Variants in DYNC2H1 observed in about 807,000 individuals in gnomAD.
DYNC2H1 encodes cytoplasmic dynein 2 heavy chain 1.
DYNC2H1 carries 410 observed loss-of-function variants against 570.0 expected under a neutral mutation model. That is an observed-to-expected ratio of 0.72 (90% confidence interval 0.66 to 0.78). DYNC2H1 has a LOEUF of 0.78. DYNC2H1 is among the 30% of genes least tolerant of loss of function. The pLI is 0.00. For synonymous variants in DYNC2H1, 1,688 were observed against 1,677.6 expected (o/e 1.01, Z -0.15); for missense variants, 4,865 against 5,046.4 (o/e 0.96, Z 1.09).
intron 1 of DYNC2H1, among the ~76,000 whole-genome samples, chr11:103,112,384 G>A (rs1325939269): frequency 6.6e-6 from 1 of 152,180 alleles, no homozygotes; most frequent in African/African-American, 2.4e-5. Flanking sequence ...AGAGAGCTGT[G>A]ATCTGGTTTA....
rs568297737 is a variant in DYNC2H1 at position 103,378,301 on chromosome 11, T to C, written c.12156+19942T>C. On this transcript the variant is annotated intron_variant, in intron 83 of 88. Coordinates refer to ENST00000375735, the MANE Select transcript of DYNC2H1 (RefSeq NM_001377.3). ...TAGAAGTCACTTTGCTCTTTCATTT[T>C]CTTGTGATAATTTATCATATATATT... is the stretch of plus-strand genomic sequence containing the variant. Among the ~76,000 whole-genome samples the C allele has an allele frequency of 4.1e-4, 62 of 152,346 alleles. No homozygotes were observed. The Middle Eastern group carries it at 0.02, about 50-fold the overall frequency.
rs373574522 is a variant in DYNC2H1 at position 103,117,723 on chromosome 11, G to T, written c.859G>T (p.Gly287Cys). The T allele has an allele frequency of 3.7e-6, 6 of 1,612,858 alleles. No homozygotes were observed. In the African/African-American group the frequency reaches 8.0e-5, roughly 22 times the overall value. ...TCTTGTGAAAGAAAGTCTGAAAGCT[G>T]GTATTTCAATTTGTGAACAGTGGGT... is the stretch of plus-strand genomic sequence containing the variant. ...YYLVKESLKA[G>C]ISICEQWVIV... The change falls in exon 6 of 89, where the codon GGT becomes TGT. Residue 287 changes from glycine (G) to cysteine (C), a missense_variant. Physicochemically the swap from Gly to Cys is radical, Grantham distance 159 (BLOSUM62 -3). Around this residue, in one of 5 missense-constraint regions of DYNC2H1, gnomAD observed 1,936 missense variants for 1,962.1 expected, o/e 0.99. Transcript: ENST00000375735.
chr11:103,364,535 C>T (rs569368445), intron 83 of DYNC2H1, among the ~76,000 whole-genome samples: 9 of 150,270 alleles, frequency 6.0e-5, no homozygotes, highest in African/African-American at 2.0e-4. Context: ...TAATGAATAA[C>T]TTTGTACTAT....
At chr11:103,364,600 T>A (rs1591634756) in intron 83 of DYNC2H1, among the ~76,000 whole-genome samples, 1 of 116,808 alleles carries the variant, frequency 8.6e-6, no homozygotes, top group Non-Finnish European at 1.6e-5. Flanking sequence ...AATCTTGTTG[T>A]TTTTTTTTTT....
In DYNC2H1 at chr11:103,279,953, G is replaced by A. The variant is rs1428945135; in HGVS notation, c.10696-395G>A. Among the ~76,000 whole-genome samples the A allele has an allele frequency of 2.0e-5, 3 of 152,264 alleles. No individual in the cohort carries two copies. In the East Asian group the frequency reaches 5.8e-4, roughly 29 times the overall value. On this transcript the variant is annotated intron_variant, in intron 70 of 88. Coordinates refer to ENST00000375735, the MANE Select transcript of DYNC2H1 (RefSeq NM_001377.3). ...GAGAAAATAGTTGTCATAATTGCAT[G>A]TAGTCACCCATATGTTTAAACCTAC...
At chr11:103,224,771 T>C (rs190377572) in intron 59 of DYNC2H1, among the ~76,000 whole-genome samples, 1 of 152,342 alleles carries the variant, frequency 6.6e-6, no homozygotes, top group East Asian at 1.9e-4. Flanking sequence ...TACCTAGTAG[T>C]AGAATTACTG....
intron 21 of DYNC2H1, 37 bp from the exon 22 acceptor site, chr11:103,153,266 C>T: frequency 2.0e-6 from 3 of 1,466,930 alleles, no homozygotes; most frequent in East Asian, 2.6e-5. Flanking sequence ...TGAAATTTTA[C>T]TCTGCATTAA....
Position 103,243,255 on chromosome 11 carries a change from A to G in DYNC2H1, c.9820-438A>G, listed in dbSNP as rs1284362482. Among the ~76,000 whole-genome samples the G allele has an allele frequency of 8.2e-6, 1 of 121,978 alleles. No individual in the cohort carries two copies. The highest frequency in any genetic ancestry group is 1.7e-5 in the Non-Finnish European group (1 of 57,964). 80.0% of individuals were successfully genotyped at this position (121,978 alleles called of 152,430 possible). A position where few individuals can be genotyped will look rare whatever the true frequency, so the allele number is the denominator to read the frequency against. ...TTTATAGTTTTTATTCAAACAAAGA[A>G]TATAGATAGATAGATAGATAGATAG... is the stretch of plus-strand genomic sequence containing the variant. On this transcript the variant is annotated intron_variant, in intron 63 of 88. Coordinates refer to ENST00000375735, the MANE Select transcript of DYNC2H1 (RefSeq NM_001377.3). The surrounding 1 kb of genome is among the most constrained non-coding windows in gnomAD (Gnocchi z 4.8).
At position 103,395,437 on chromosome 11, in the gene DYNC2H1, T is replaced by C. The variant is rs1158822472; in HGVS notation, c.12157-4226T>C. On this transcript the variant is annotated intron_variant, in intron 83 of 88. Coordinates refer to ENST00000375735, the MANE Select transcript of DYNC2H1 (RefSeq NM_001377.3). The surrounding 1 kb of genome is among the most constrained non-coding windows in gnomAD (Gnocchi z 4.3). ...CATGCATATGATCATGTATGTTACA[T>C]ATGATCATTGTATCACTGATATACA... Among the ~76,000 whole-genome samples, 1 of 151,712 alleles carries C rather than the reference T, an allele frequency of 6.6e-6. No homozygotes were observed. Among genetic ancestry groups the C allele is most frequent in the Non-Finnish European group, 1.5e-5 (1 of 67,938 alleles).
chr11:103,260,959 C>T (rs1865257323), intron 70 of DYNC2H1, among the ~76,000 whole-genome samples: 1 of 151,320 alleles, frequency 6.6e-6, no homozygotes. Flanking sequence ...GTGGGTATAG[C>T]TTAAGACATA....
intron 82 of DYNC2H1, among the ~76,000 whole-genome samples, chr11:103,344,542 A>T (rs1476677606): frequency 1.3e-5 from 2 of 152,012 alleles, no homozygotes; most frequent in Non-Finnish European, 1.5e-5. Flanking sequence ...TTTTGTCTGG[A>T]ACATTCATAC....
chr11:103,387,836 AGTTCT>A (rs752593745), intron 83 of DYNC2H1, among the ~76,000 whole-genome samples: 2 of 151,852 alleles, frequency 1.3e-5, no homozygotes, highest in Non-Finnish European at 2.9e-5. Context: ...TATTTCTGAG[AGTTCT>A]GTTCTGTTCC....
Position 103,121,010 on chromosome 11 carries a change from T to C in DYNC2H1, c.1334T>C (p.Leu445Pro), listed in dbSNP as rs2134715945. 6.3e-7 allele frequency: 1 copy of C among 1,584,954 alleles called. No homozygotes were observed. Among genetic ancestry groups the C allele is most frequent in the African/African-American group, 1.4e-5 (1 of 73,964 alleles). Residue 445 changes from leucine to proline, a missense_variant, in exon 9 of 89, where the codon CTG becomes CCG. By Grantham distance (98) the Leu-to-Pro change is moderately conservative. Transcript: ENST00000375735. ...TTGATGTTAGAAAGAGAAACTTTAC[T>C]GGCAAGACTTGTGGACTCAATTAAA... ...KELMLERETL[L>P]ARLVDSIKDF...
At chr11:103,160,209 T>C (rs1006187125) in intron 28 of DYNC2H1, among the ~76,000 whole-genome samples, 11 of 152,108 alleles carry the variant, frequency 7.2e-5, no homozygotes, top group African/African-American at 2.7e-4. Flanking sequence ...AATAATATAG[T>C]TTTTTTGTGA....
intron 84 of DYNC2H1, among the ~76,000 whole-genome samples, chr11:103,414,583 A>G (rs886353712): frequency 2.7e-5 from 3 of 111,880 alleles, no homozygotes; most frequent in Non-Finnish European, 5.5e-5. Flanking sequence ...GTAAGAGAGA[A>G]GTCACATTGT....
intron 66 of DYNC2H1, 110 bp downstream of exon 66, chr11:103,253,558 T>A: frequency 9.1e-7 from 1 of 1,099,688 alleles, no homozygotes; most frequent in South Asian, 2.0e-5. Context: ...TTTACATTTA[T>A]GATTTTGAAA....
In DYNC2H1 at chr11:103,479,546, A is replaced by G. The variant is rs540596724; in HGVS notation, c.*293A>G. 39 of 218,342 alleles carry G rather than the reference A, an allele frequency of 1.8e-4. No individual in the cohort carries two copies. The highest frequency in any genetic ancestry group is 2.7e-4 in the Non-Finnish European group (30 of 111,350). The allele number at this position is 218,342 out of a possible 1,614,324, so 13.5% of individuals were successfully genotyped here. On this transcript the variant is annotated 3_prime_UTR_variant, in exon 89 of 89. Transcript: ENST00000375735. ...AAATTTGTTTTAGGTCAGAGATTTT[A>G]AGTGGTATATTAACCAATAATAAAT...
chr11:103,473,736 A>G (rs192610972), intron 88 of DYNC2H1, among the ~76,000 whole-genome samples: 154 of 152,258 alleles, frequency 1.0e-3, no homozygotes, highest in African/African-American at 3.5e-3. Context: ...CTGGCATTCC[A>G]CAGGAAGTCA....
intron 85 of DYNC2H1, among the ~76,000 whole-genome samples, chr11:103,445,443 G>A (rs1944390626): frequency 6.6e-6 from 1 of 152,054 alleles, no homozygotes; most frequent in Non-Finnish European, 1.5e-5. Flanking sequence ...ATTAATGTGA[G>A]TAAACAACTG....
Sources: allele counts gnomAD v4.1 joint callset (sites outside exome capture counted in the v4.1 genomes callset), GRCh38; gene constraint gnomAD v4.1.1; regional missense constraint gnomAD v4.1.1; non-coding constraint Gnocchi (gnomAD v3.1); transcripts MANE v1.5; gene names NCBI Gene and HGNC (gene_info 2026-07-23, HGNC 2026-07-21).